Variants in KIF13A observed in about 807,000 individuals in gnomAD.
KIF13A encodes kinesin-like protein KIF13A.
In KIF13A, 79 loss-of-function variants were observed where a neutral mutation model predicts 212.2. The ratio of observed to expected loss-of-function variants is 0.37; its 90% CI spans 0.31 to 0.45. The LOEUF (loss-of-function observed/expected upper bound fraction) is 0.45. Ranked by LOEUF, KIF13A falls within the 20% of genes least tolerant of loss-of-function variation. KIF13A has a pLI of 1.00. For synonymous variants in KIF13A, 789 were observed against 808.6 expected (o/e 0.98, Z 0.41); for missense variants, 1,901 against 2,209.0 (o/e 0.86, Z 2.79).
rs756810624 is a variant in KIF13A, at chr6:17,817,097, T to C, written c.1923A>G (p.Pro641=). 3.7e-6 allele frequency: 6 copies of C among 1,613,878 alleles called. No individual in the cohort carries two copies. The highest frequency in any genetic ancestry group is 1.1e-5 in the South Asian group (1 of 91,090). Residue 641 remains proline, a synonymous_variant, in exon 17 of 39, where the codon CCA becomes CCG. Coordinates refer to ENST00000259711, the MANE Select transcript of KIF13A (RefSeq NM_022113.6). ...LRQQLSPDRQ[P]QSSGPDRLAY... The stretch of plus-strand genomic sequence containing the variant: ...CCAGGCGGTCAGGGCCGCTACTCTG[T>C]GGCTGCCTGTCGGGGGAGAGCTGCT...
intron 2 of KIF13A, among the ~76,000 whole-genome samples, chr6:17,974,212 G>A (rs1178109270): frequency 3.3e-5 from 5 of 152,150 alleles, no homozygotes; most frequent in Non-Finnish European, 7.3e-5. Context: ...CTCCTGAGTA[G>A]CTGGGATTAC....
chr6:17,841,745 A>G (rs1011989118), intron 9 of KIF13A, among the ~76,000 whole-genome samples: 1 of 152,162 alleles, frequency 6.6e-6, no homozygotes, highest in African/African-American at 2.4e-5. Flanking sequence ...CAGAATGAAA[A>G]TAACTGCAGG....
rs1759627185 is a variant in KIF13A, at chr6:17,772,958, A to G, written c.4324+520T>C. Among the ~76,000 whole-genome samples the G allele has an allele frequency of 6.6e-6, 1 of 152,186 alleles. No homozygotes were observed. Among genetic ancestry groups the G allele is most frequent in the Non-Finnish European group, 1.5e-5 (1 of 68,038 alleles). On this transcript the variant is annotated intron_variant, in intron 36 of 38. Coordinates refer to ENST00000259711, the MANE Select transcript of KIF13A (RefSeq NM_022113.6). This position sits in a 1 kb window ranked among gnomAD's most constrained non-coding sequence, Gnocchi z 4.8. ...TATACCTTATATTTTACCTACTAAT[A>G]TAAGGTATAAGGTAACAGAACCGAT... is the stretch of plus-strand genomic sequence containing the variant.
chr6:17,833,497 C>CAA (rs59654452), intron 12 of KIF13A, among the ~76,000 whole-genome samples: 19 of 97,936 alleles, frequency 1.9e-4, no homozygotes, highest in African/African-American at 3.8e-4. Flanking sequence ...ACCTTGTCTT[C>CAA]AAAAAAAAAA....
chr6:17,884,372 T>C (rs1457506719), intron 3 of KIF13A, among the ~76,000 whole-genome samples: 1 of 152,242 alleles, frequency 6.6e-6, no homozygotes, highest in Non-Finnish European at 1.5e-5. Context: ...GCATAGCTAC[T>C]GCTGTAGAGC....
At chr6:17,779,413 C>T (rs1760321155) in intron 32 of KIF13A, among the ~76,000 whole-genome samples, 179 bp downstream of exon 32, 1 of 151,314 alleles carries the variant, frequency 6.6e-6, no homozygotes, top group Admixed American at 6.6e-5. Context: ...GCTGGGATTA[C>T]AGGCATGCGC....
At chr6:17,976,224 C>T (rs966217290) in intron 2 of KIF13A, among the ~76,000 whole-genome samples, 10 of 152,344 alleles carry the variant, frequency 6.6e-5, no homozygotes, top group Admixed American at 1.3e-4. Flanking sequence ...GGACTGGGCG[C>T]GGTGGAGAAG....
Position 17,855,456 on chromosome 6 carries a change from C to T in KIF13A, c.475G>A (p.Asp159Asn). ...YMEIYNEKVR[D>N]LLDPKGSRQS... ...ACTTACCCTTTGGGGTCTAAAAGATCCCGAACTTTCTCATTATAAATTTCC... is the reference window on the plus strand; with the variant it reads ...ACTTACCCTTTGGGGTCTAAAAGATTCCGAACTTTCTCATTATAAATTTCC... The change falls in exon 6 of 39, where the codon GAT becomes AAT. Residue 159 changes from aspartate to asparagine, a missense_variant. Asp to Asn is a conservative substitution (Grantham distance 23). Coordinates refer to ENST00000259711, the MANE Select transcript of KIF13A (RefSeq NM_022113.6). The surrounding 1 kb of genome is among the most constrained non-coding windows in gnomAD (Gnocchi z 4.1). 6.2e-6 allele frequency: 10 copies of T among 1,611,970 alleles called. No homozygotes were observed. The highest frequency in any genetic ancestry group is 8.5e-6 in the Non-Finnish European group (10 of 1,179,124).
At chr6:17,978,118 A>G (rs1780746755) in intron 2 of KIF13A, among the ~76,000 whole-genome samples, 1 of 152,218 alleles carries the variant, frequency 6.6e-6, no homozygotes, top group Admixed American at 6.5e-5. Context: ...TGGACTGGTG[A>G]AATATCAGGT....
rs1031346900 is a variant in KIF13A at position 17,892,541 on chromosome 6, C to G, written c.159+5627G>C. On this transcript the variant is annotated intron_variant, in intron 3 of 38. Coordinates refer to ENST00000259711, the MANE Select transcript of KIF13A (RefSeq NM_022113.6). This position sits in a 1 kb window ranked among gnomAD's most constrained non-coding sequence, Gnocchi z 4.7. ...TGTATGCTAATGAGATGACTGGTGG[C>G]TGGGGTCCCCAGGTGGCTTCAAGAT... 6.6e-6 allele frequency among the ~76,000 whole-genome samples: 1 copy of G among 152,184 alleles called. No individual in the cohort carries two copies. Among genetic ancestry groups the G allele is most frequent in the Non-Finnish European group, 1.5e-5 (1 of 68,030 alleles).
At chr6:17,932,502 C>T (rs932532204) in intron 2 of KIF13A, among the ~76,000 whole-genome samples, 1 of 152,184 alleles carries the variant, frequency 6.6e-6, no homozygotes, top group Non-Finnish European at 1.5e-5. Context: ...AAATAAGGAA[C>T]ATCTGCATTA....
intron 2 of KIF13A, among the ~76,000 whole-genome samples, chr6:17,920,431 C>T (rs1191735632): frequency 1.3e-5 from 2 of 152,192 alleles, no homozygotes; most frequent in African/African-American, 4.8e-5. Flanking sequence ...CTGCTTGAGA[C>T]ATTAAAAAGA....
At position 17,900,094 on chromosome 6, in the gene KIF13A, A is replaced by G. The variant is rs1772921024; in HGVS notation, c.147-1914T>C. ...AAGTCACTTGGGTTACAATAAGGCC[A>G]TTATATGAAACAGCACAGACCAAAG... On this transcript the variant is annotated intron_variant, in intron 2 of 38. Coordinates refer to ENST00000259711, the MANE Select transcript of KIF13A (RefSeq NM_022113.6). This position sits in a 1 kb window ranked among gnomAD's most constrained non-coding sequence, Gnocchi z 4.6. 6.6e-6 allele frequency among the ~76,000 whole-genome samples: 1 copy of G among 152,240 alleles called. No homozygotes were observed. The highest frequency in any genetic ancestry group is 2.4e-5 in the African/African-American group (1 of 41,470).
At chr6:17,800,258 C>G in intron 20 of KIF13A, 145 bp from the exon 21 acceptor site, 1 of 729,070 alleles carries the variant, frequency 1.4e-6, no homozygotes, top group Non-Finnish European at 2.2e-6. Flanking sequence ...AGCCCTGCTA[C>G]TACCAGAGCA....
rs746405854 is a variant in KIF13A, at chr6:17,781,227, G to C, written c.3619C>G (p.His1207Asp). Residue 1207 changes from histidine to aspartate, a missense_variant, in exon 30 of 39, where the codon CAT becomes GAT. Around this residue, in one of 5 missense-constraint regions of KIF13A, gnomAD observed 687 missense variants for 759.1 expected, o/e 0.90. Coordinates refer to ENST00000259711, the MANE Select transcript of KIF13A (RefSeq NM_022113.6). Reference sequence around the variant, plus strand: ...GGCAGGTAGAAAAACTGGCTGCCATGCTCCTTGGGCAGGATGGAGTTCACG... The same window carrying C: ...GGCAGGTAGAAAAACTGGCTGCCATCCTCCTTGGGCAGGATGGAGTTCACG... ...SGVNSILPKE[H>D]GSQFFYLPII... is the part of the protein sequence containing the mutation. 1 of 1,613,852 alleles carries C rather than the reference G, an allele frequency of 6.2e-7. No individual in the cohort carries two copies. The highest frequency in any genetic ancestry group is 1.1e-5 in the South Asian group (1 of 91,068).
At chr6:17,977,114 C>CAAA (rs398000718) in intron 2 of KIF13A, among the ~76,000 whole-genome samples, 40 of 106,540 alleles carry the variant, frequency 3.8e-4, no homozygotes, top group East Asian at 5.7e-4. Context: ...AAAACAACAA[C>CAAA]AAAAAAAAAA....
chr6:17,889,963 G>A (rs956169625), intron 3 of KIF13A, among the ~76,000 whole-genome samples: 5 of 152,102 alleles, frequency 3.3e-5, no homozygotes, highest in South Asian at 2.1e-4. Context: ...TGACCAACAC[G>A]GAGAAACCTG....
intron 2 of KIF13A, chr6:17,950,900 C>T (rs994491476): frequency 4.6e-5 from 45 of 982,918 alleles, no homozygotes; most frequent in Non-Finnish European, 5.3e-5. Flanking sequence ...TAGAAACAAC[C>T]GTATCCACCC....
At chr6:17,882,614 C>T (rs1020487991) in intron 3 of KIF13A, among the ~76,000 whole-genome samples, 7 of 150,724 alleles carry the variant, frequency 4.6e-5, no homozygotes, top group African/African-American at 7.3e-5. Flanking sequence ...CAGGCTGGAG[C>T]GTAGTGGCAT....
Sources: allele counts gnomAD v4.1 joint callset (sites outside exome capture counted in the v4.1 genomes callset), GRCh38; gene constraint gnomAD v4.1.1; regional missense constraint gnomAD v4.1.1; non-coding constraint Gnocchi (gnomAD v3.1); transcripts MANE v1.5; gene names NCBI Gene and HGNC (gene_info 2026-07-23, HGNC 2026-07-21).